PKIB: variants seen among roughly 807,000 people sequenced by gnomAD.
The protein encoded by PKIB is PKI-beta.
A neutral mutation model predicts 4.5 loss-of-function variants in PKIB; 2 were observed. The observed-to-expected ratio is 0.44, with a 90% CI of 0.18 to 1.39. The LOEUF (loss-of-function observed/expected upper bound fraction) is 1.39. PKIB is among the 40% of genes most tolerant of loss of function. The pLI, the probability that PKIB is intolerant of heterozygous loss-of-function variation, is 0.27. For missense variants in PKIB, 94 were observed against 92.6 expected (o/e 1.02, Z -0.06); for synonymous variants, 38 against 36.0 (o/e 1.06, Z -0.20).
intron 2 of PKIB, among the ~76,000 whole-genome samples, chr6:122,531,670 C>A (rs112375890): frequency 3.5e-4 from 54 of 152,242 alleles, no homozygotes; most frequent in African/African-American, 1.2e-3. Flanking sequence ...CACTCCCCAC[C>A]TTTCACTTCT....
intron 2 of PKIB, among the ~76,000 whole-genome samples, chr6:122,550,720 C>CA (rs1772651615): frequency 6.6e-6 from 1 of 152,092 alleles, no homozygotes; most frequent in African/African-American, 2.4e-5. Flanking sequence ...TGTTGCCATG[C>CA]AAAAAATTTC....
chr6:122,520,661 T>TCTCTCCC (rs1776908092), intron 2 of PKIB, among the ~76,000 whole-genome samples: 2 of 55,544 alleles, frequency 3.6e-5, no homozygotes, highest in African/African-American at 6.0e-5. Flanking sequence ...AAGTTTATGT[T>TCTCTCCC]CCCACCCCCC....
At chr6:122,562,004 GTTTTTTTTTTTTTTTGCTTT>G (rs1773044768) in intron 2 of PKIB, among the ~76,000 whole-genome samples, 4 of 79,470 alleles carry the variant, frequency 5.0e-5, no homozygotes, top group Non-Finnish European at 6.8e-5. Context: ...GTTTTTTTTT[GTTTTTTTTTTTTTTTGCTTT>G]TTAACTTGTA....
At chr6:122,609,598 A>G (rs1396007425), upstream of PKIB, among the ~76,000 whole-genome samples, 1 of 152,246 alleles carries the variant, frequency 6.6e-6, no homozygotes, top group African/African-American at 2.4e-5. Context: ...ACTAGAGATA[A>G]GAGAAGACTT....
chr6:122,517,415 G>A lies in PKIB; in HGVS notation c.-248+39476G>A, dbSNP rs117457863. Reference sequence around the variant, plus strand: ...CCTAAGCACTTACTGTGCACTAAACGATAGGGATTTTAAAAAGAATAAAAT... The same window carrying A: ...CCTAAGCACTTACTGTGCACTAAACAATAGGGATTTTAAAAAGAATAAAAT... On this transcript the variant is annotated intron_variant, in intron 2 of 6. Transcript: ENST00000392491. 2.2e-3 allele frequency among the ~76,000 whole-genome samples: 339 copies of A among 152,198 alleles called. 8 individuals carry two copies. The East Asian group carries it at 0.044, about 20-fold the overall frequency.
intron 2 of PKIB, chr6:122,480,915 AAAT>A (rs1775593212): frequency 3.1e-5 from 2 of 64,748 alleles, no homozygotes; most frequent in Non-Finnish European, 7.0e-5. Context: ...AGAGATACAA[AAAT>A]AATCTTTTGT....
At chr6:122,633,017 A>G (rs1775761508) in intron 1 of PKIB, among the ~76,000 whole-genome samples, 1 of 152,242 alleles carries the variant, frequency 6.6e-6, no homozygotes, top group Non-Finnish European at 1.5e-5. Flanking sequence ...GAACAAAATA[A>G]TACAAAGAAA....
At chr6:122,498,251 A>T (rs1385585326) in intron 2 of PKIB, among the ~76,000 whole-genome samples, 1 of 152,216 alleles carries the variant, frequency 6.6e-6, no homozygotes, top group Non-Finnish European at 1.5e-5. Flanking sequence ...AGCACACCTC[A>T]TATGGTGGTG....
At chr6:122,519,885 C>T (rs1266300619) in intron 2 of PKIB, among the ~76,000 whole-genome samples, 1 of 152,200 alleles carries the variant, frequency 6.6e-6, no homozygotes. Context: ...TGGGGCTTTA[C>T]ACCCACTGTG....
chr6:122,643,611 T>C (rs1050829037), intron 2 of PKIB: 7 of 152,222 alleles, frequency 4.6e-5, no homozygotes, highest in African/African-American at 1.4e-4. Context: ...GCCTGTAGTA[T>C]TCTAATTTAC....
At position 122,560,006 on chromosome 6, in the gene PKIB, C is replaced by T. The variant is rs183950709; in HGVS notation, c.-247-25915C>T. Among the ~76,000 whole-genome samples, 510 of 152,280 alleles carry T rather than the reference C, an allele frequency of 3.3e-3. 3 individuals carry two copies. Among genetic ancestry groups the T allele is most frequent in the African/African-American group, 0.012 (479 of 41,564 alleles). ...CAGCAAACAGTGACAGTTTGACTTT[C>T]TCATTACTGAATCAGATGCCCTTTA... On this transcript the variant is annotated intron_variant, in intron 2 of 6. Transcript: ENST00000392491.
intron 3 of PKIB, among the ~76,000 whole-genome samples, chr6:122,706,695 A>T (rs2115041989): frequency 6.6e-6 from 1 of 152,296 alleles, no homozygotes; most frequent in East Asian, 1.9e-4. Context: ...CACAGTGTAG[A>T]ATCACATGAA....
intron 4 of PKIB, among the ~76,000 whole-genome samples, chr6:122,720,898 C>T (rs1470453424): frequency 9.9e-5 from 15 of 152,154 alleles, no homozygotes; most frequent in African/African-American, 3.1e-4. Flanking sequence ...AACGGGGTTT[C>T]ACCACGTTGG....
At chr6:122,564,123 A>C (rs1384102506) in intron 2 of PKIB, among the ~76,000 whole-genome samples, 1 of 152,154 alleles carries the variant, frequency 6.6e-6, no homozygotes, top group Admixed American at 6.5e-5. Context: ...TCCAGTGGAT[A>C]TGTGTGTTCG....
intron 2 of PKIB, among the ~76,000 whole-genome samples, chr6:122,564,392 G>C (rs1027419227): frequency 6.6e-6 from 1 of 152,124 alleles, no homozygotes; most frequent in Admixed American, 6.6e-5. Flanking sequence ...TCTCTAAAAA[G>C]TACAAAGCAC....
intron 2 of PKIB, among the ~76,000 whole-genome samples, chr6:122,554,677 G>C (rs1772786442): frequency 6.6e-6 from 1 of 152,108 alleles, no homozygotes; most frequent in African/African-American, 2.4e-5. Context: ...TTATTCAGGG[G>C]TAAGTATATA....
intron 2 of PKIB, among the ~76,000 whole-genome samples, chr6:122,562,481 T>C (rs1257153090): frequency 6.6e-6 from 1 of 152,032 alleles, no homozygotes; most frequent in Non-Finnish European, 1.5e-5. Context: ...CCTTGTGCTT[T>C]TCGTATTTGG....
At chr6:122,486,802 A>C in intron 2 of PKIB, among the ~76,000 whole-genome samples, 1 of 152,112 alleles carries the variant, frequency 6.6e-6, no homozygotes, top group East Asian at 1.9e-4. Context: ...TTTGCTTTTT[A>C]AAAGTACTGT....
intron 3 of PKIB, among the ~76,000 whole-genome samples, chr6:122,589,037 G>A (rs1203760722): frequency 6.6e-6 from 1 of 152,080 alleles, no homozygotes; most frequent in African/African-American, 2.4e-5. Flanking sequence ...GAGCCTTTAT[G>A]ACCTAATATA....
Sources: gnomAD v4.1 joint callset for allele counts (sites outside exome capture counted in the v4.1 genomes callset) on GRCh38, gnomAD v4.1.1 for gene constraint, MANE v1.5 for transcripts, NCBI Gene and HGNC (gene_info 2026-07-23, HGNC 2026-07-21) for gene names.